LTO1: variants seen among roughly 807,000 people sequenced by gnomAD.
LTO1 encodes LTO1 maturation factor of ABCE1, also known as protein LTO1 homolog.
In LTO1, 18 loss-of-function variants were observed where a neutral mutation model predicts 19.8. The ratio of observed to expected loss-of-function variants is 0.91; its 90% CI spans 0.63 to 1.35. The LOEUF (loss-of-function observed/expected upper bound fraction) is 1.35. LTO1 is among the 40% of genes most tolerant of loss of function. The pLI is 0.00. For missense variants in LTO1, 175 were observed against 167.9 expected, an observed-to-expected ratio of 1.04 and a Z score of -0.23; for synonymous variants, 59 against 59.6, an observed-to-expected ratio of 0.99 and a Z score of 0.05.
intron 1 of LTO1, chr11:69,674,770 G>A: frequency 2.2e-6 from 1 of 463,034 alleles, no homozygotes; most frequent in South Asian, 1.5e-5. Flanking sequence ...AGGGGCTCTG[G>A]AGGGAAAAGG....
At chr11:69,670,337 A>G (rs776255392) in intron 3 of LTO1, among the ~76,000 whole-genome samples, 1 of 152,246 alleles carries the variant, frequency 6.6e-6, no homozygotes, top group Non-Finnish European at 1.5e-5. Flanking sequence ...GAGAAGGGAG[A>G]CAGGCGGAGA....
In LTO1 at chr11:69,675,298, G is replaced by C. The variant is rs1856175572; in HGVS notation, c.-59C>G. On this transcript the variant is annotated 5_prime_UTR_variant, in exon 1 of 5. Transcript: ENST00000279147. ...TCTGCAGCCCCGCGGTGCCGTAGCA[G>C]ACCCGGCAGCTTCAGGCACAAATGC... 1 of 1,346,328 alleles carries C rather than the reference G, an allele frequency of 7.4e-7. No homozygotes were observed. Among genetic ancestry groups the C allele is most frequent in the East Asian group, 2.6e-5 (1 of 37,930 alleles). 83.4% of individuals were successfully genotyped at this position (1,346,328 alleles called of 1,614,324 possible).
Position 69,667,447 on chromosome 11 carries a change from C to T in LTO1, c.*72G>A. Reference sequence around the variant, plus strand: ...ACTGCCTTCCCAGCACCGTCTGGCCCTTCACCGCATTTCTAAACACGTCAC... The same window carrying T: ...ACTGCCTTCCCAGCACCGTCTGGCCTTTCACCGCATTTCTAAACACGTCAC... On this transcript the variant is annotated 3_prime_UTR_variant, in exon 5 of 5. Transcript: ENST00000279147. 2 of 1,032,468 alleles carry T rather than the reference C, an allele frequency of 1.9e-6. No individual in the cohort carries two copies. Among genetic ancestry groups the T allele is most frequent in the Non-Finnish European group, 3.1e-6 (2 of 652,158 alleles). The allele number at this position is 1,032,468 out of a possible 1,614,324, so 64.0% of individuals were successfully genotyped here.
intron 1 of LTO1, among the ~76,000 whole-genome samples, chr11:69,673,828 C>T (rs1856148007): frequency 6.6e-6 from 1 of 151,382 alleles, no homozygotes; most frequent in South Asian, 2.1e-4. Flanking sequence ...GTTGGGATTA[C>T]AAGTGAGGGC....
intron 1 of LTO1, among the ~76,000 whole-genome samples, chr11:69,674,372 C>A (rs1309798609): frequency 6.6e-6 from 1 of 152,172 alleles, no homozygotes; most frequent in East Asian, 1.9e-4. Context: ...TAGCACTGAC[C>A]CTGAGGCCCA....
intron 3 of LTO1, among the ~76,000 whole-genome samples, chr11:69,669,207 A>G (rs1856074734): frequency 6.6e-6 from 1 of 152,124 alleles, no homozygotes; most frequent in Admixed American, 6.5e-5. Context: ...GGTCTTTTCA[A>G]TGAACCACAG....
chr11:69,675,057 G>A (rs1309720173), intron 1 of LTO1, 133 bp downstream of exon 1: 1 of 779,596 alleles, frequency 1.3e-6, no homozygotes. Flanking sequence ...TGCGTCCACG[G>A]CCACCAGGCG....
At chr11:69,672,930 G>C in intron 2 of LTO1, 1 of 407,976 alleles carries the variant, frequency 2.5e-6, no homozygotes, top group Non-Finnish European at 4.7e-6. Flanking sequence ...AGCCTCCCAA[G>C]TGGCTGGGAT....
chr11:69,674,776 A>C, intron 1 of LTO1: 4 of 463,560 alleles, frequency 8.6e-6, no homozygotes, highest in African/African-American at 2.0e-5. Context: ...TCTGGAGGGA[A>C]AAGGGGTGTG....
At position 69,673,311 on chromosome 11, in the gene LTO1, C is replaced by T; in HGVS notation, c.61G>A (p.Glu21Lys). ...TCTTCATAGCCTTCCCGATACCCTTCCCCATGAAACCTGTGAAGAAGAAGC... is the reference window on the plus strand; with the variant it reads ...TCTTCATAGCCTTCCCGATACCCTTTCCCATGAAACCTGTGAAGAAGAAGC... ...IVMADERFHG[E>K]GYREGYEEGS... Residue 21 changes from glutamate (E) to lysine (K), a missense_variant, in exon 2 of 5, where the codon GAA becomes AAA. Coordinates refer to ENST00000279147, the MANE Select transcript of LTO1 (RefSeq NM_153451.3). 6.2e-7 allele frequency: 1 copy of T among 1,601,834 alleles called. No individual in the cohort carries two copies. The highest frequency in any genetic ancestry group is 1.1e-5 in the South Asian group (1 of 90,774).
At chr11:69,672,820 G>A (rs1856126019) in intron 2 of LTO1, 1 of 305,824 alleles carries the variant, frequency 3.3e-6, no homozygotes. Flanking sequence ...TTTATTTTTT[G>A]GAGATGGAGT....
At chr11:69,668,666 TTC>T (rs5792484) in intron 3 of LTO1, among the ~76,000 whole-genome samples, 8,440 of 112,568 alleles carry the variant, frequency 0.075, 756 homozygotes, top group African/African-American at 0.21. Flanking sequence ...AGAAATTAAT[TTC>T]TGTTTTGTTT....
chr11:69,673,302 G>T lies in LTO1; in HGVS notation c.70C>A (p.Arg24=). ...CTACTGCCTTCTTCATAGCCTTCCCGATACCCTTCCCCATGAAACCTGTGA... is the reference window on the plus strand; with the variant it reads ...CTACTGCCTTCTTCATAGCCTTCCCTATACCCTTCCCCATGAAACCTGTGA... The part of the protein sequence containing the change: ...ADERFHGEGY[R]EGYEEGSSLG... The change falls in exon 2 of 5, where the codon CGG becomes AGG. Residue 24 remains arginine (R), a synonymous_variant. Transcript: ENST00000279147. The T allele has an allele frequency of 6.2e-7, 1 of 1,609,590 alleles. No homozygotes were observed. Among genetic ancestry groups the T allele is most frequent in the Non-Finnish European group, 8.5e-7 (1 of 1,175,956 alleles).
chr11:69,666,269 A>G lies in LTO1; in HGVS notation c.*1250T>C, dbSNP rs1856031358. 6.6e-6 allele frequency: 1 copy of G among 152,236 alleles called. No individual in the cohort carries two copies. The highest frequency in any genetic ancestry group is 6.5e-5 in the Admixed American group (1 of 15,288). The allele number at this position is 152,236 out of a possible 1,614,324, so 9.4% of individuals were successfully genotyped here. A position where few individuals can be genotyped will look rare whatever the true frequency, so the allele number is the denominator to read the frequency against. ...GCCGGCAGCTTAGGCAGCACAACAC[A>G]ATCCACTAGGACATTCGGGAATGGT... On this transcript the variant is annotated 3_prime_UTR_variant, in exon 5 of 5. Coordinates refer to ENST00000279147, the MANE Select transcript of LTO1 (RefSeq NM_153451.3).
intron 2 of LTO1, chr11:69,672,638 C>T (rs1427725264): frequency 5.7e-6 from 1 of 174,532 alleles, no homozygotes; most frequent in African/African-American, 2.4e-5. Flanking sequence ...CACCATGACA[C>T]TCCCAAGTAA....
intron 2 of LTO1, 115 bp from the exon 3 acceptor site, chr11:69,671,934 T>C: frequency 2.8e-6 from 2 of 717,758 alleles, no homozygotes; most frequent in Non-Finnish European, 5.1e-6. Context: ...TCTCACACTA[T>C]TGTTCTGGAA....
chr11:69,673,382 ACTT>A lies in LTO1; in HGVS notation c.51-64_51-62del, dbSNP rs1450488663. The stretch of plus-strand genomic sequence containing the variant: ...GAGAAAGAATACTTTCTCCAGAAAA[ACTT>A]CTCTCTCTTGTATTACCCGGACCCA... On this transcript the variant is annotated intron_variant, in intron 1 of 4. Transcript: ENST00000279147. 5 of 1,167,542 alleles carry A rather than the reference ACTT, an allele frequency of 4.3e-6. No individual in the cohort carries two copies. In the African/African-American group the frequency reaches 7.6e-5, roughly 18 times the overall value. The allele number at this position is 1,167,542 out of a possible 1,614,324, so 72.3% of individuals were successfully genotyped here.
rs1396901832 is a variant in LTO1 at position 69,666,596 on chromosome 11, A to C, written c.*923T>G. 2 of 152,286 alleles carry C rather than the reference A, an allele frequency of 1.3e-5. No individual in the cohort carries two copies. Among genetic ancestry groups the C allele is most frequent in the African/African-American group, 4.8e-5 (2 of 41,460 alleles). 9.4% of individuals were successfully genotyped at this position (152,286 alleles called of 1,614,324 possible). A position where few individuals can be genotyped will look rare whatever the true frequency, so the allele number is the denominator to read the frequency against. ...GGGGAGAATGCAGGAGGCTATACGC[A>C]TGGTTCTCAAAGCTTCTGCAAATAT... On this transcript the variant is annotated 3_prime_UTR_variant, in exon 5 of 5. Coordinates refer to ENST00000279147, the MANE Select transcript of LTO1 (RefSeq NM_153451.3).
intron 2 of LTO1, chr11:69,672,561 G>A (rs974729342): frequency 1.3e-5 from 2 of 155,434 alleles, no homozygotes; most frequent in African/African-American, 2.4e-5. Context: ...AAATTTCAAC[G>A]TAAACATAAA....
Sources: allele counts gnomAD v4.1 joint callset (sites outside exome capture counted in the v4.1 genomes callset), GRCh38; gene constraint gnomAD v4.1.1; transcripts MANE v1.5; gene names NCBI Gene and HGNC (gene_info 2026-07-23, HGNC 2026-07-21).